NFYC: variants seen among roughly 807,000 people sequenced by gnomAD.
The protein encoded by NFYC is nuclear transcription factor Y subunit gamma.
NFYC carries 25 observed loss-of-function variants against 53.1 expected under a neutral mutation model. That is an observed-to-expected ratio of 0.47 (90% CI 0.34 to 0.66). The LOEUF (loss-of-function observed/expected upper bound fraction) is 0.66. Among genes scored for constraint, NFYC ranks in the 30% least tolerant of loss-of-function variants. NFYC has a pLI of 0.01. For missense variants in NFYC, 260 were observed against 422.7 expected (o/e 0.62, Z 3.38); for synonymous variants, 145 against 152.6 (o/e 0.95, Z 0.37).
chr1:40,741,815 GCTGGTCTCAAACTT>G (rs1645364046), intron 2 of NFYC, among the ~76,000 whole-genome samples: 2 of 151,904 alleles, frequency 1.3e-5, no homozygotes, highest in Admixed American at 1.3e-4. Context: ...TGTTACCCTG[GCTGGTCTCAAACTT>G]CTGGGCTCAA....
chr1:40,734,485 C>T (rs1644926075), intron 1 of NFYC, among the ~76,000 whole-genome samples: 1 of 151,974 alleles, frequency 6.6e-6, no homozygotes, highest in African/African-American at 2.4e-5. Flanking sequence ...CCTTGGTTCC[C>T]GAGTAGCTGG....
chr1:40,692,170 C>T (rs1642849507), intron 1 of NFYC: 1 of 184,752 alleles, frequency 5.4e-6, no homozygotes. Context: ...GACCTGGCAC[C>T]TTATTGGACG....
At chr1:40,766,982 C>A in intron 8 of NFYC, 1 of 1,551,786 alleles carries the variant, frequency 6.4e-7, no homozygotes, top group Non-Finnish European at 8.7e-7. Flanking sequence ...CAGGTGTGCA[C>A]ACCCATCAGA....
intron 2 of NFYC, among the ~76,000 whole-genome samples, chr1:40,741,436 T>C (rs953373314): frequency 1.3e-5 from 2 of 152,168 alleles, no homozygotes; most frequent in African/African-American, 2.4e-5. Flanking sequence ...GTGTAGTAAA[T>C]GCATTTTCAA....
At chr1:40,741,610 T>C (rs1250224817) in intron 2 of NFYC, among the ~76,000 whole-genome samples, 1 of 151,998 alleles carries the variant, frequency 6.6e-6, no homozygotes, top group Non-Finnish European at 1.5e-5. Context: ...CTTTTTTTTT[T>C]TTCCTTTTTG....
intron 1 of NFYC, among the ~76,000 whole-genome samples, chr1:40,711,711 A>G (rs1236808815): frequency 6.6e-6 from 1 of 152,244 alleles, no homozygotes; most frequent in Non-Finnish European, 1.5e-5. Flanking sequence ...TGTTTACTAG[A>G]CAAATGAAGA....
At chr1:40,738,813 C>T (rs371614038) in intron 1 of NFYC, 23 bp from the exon 2 acceptor site, 1 of 1,540,570 alleles carries the variant, frequency 6.5e-7, no homozygotes, top group Non-Finnish European at 9.0e-7. Flanking sequence ...TCTAATGTGT[C>T]TTATGTATGT....
At chr1:40,720,734 G>A (rs1016243890) in intron 1 of NFYC, among the ~76,000 whole-genome samples, 3 of 152,148 alleles carry the variant, frequency 2.0e-5, no homozygotes, top group Admixed American at 6.5e-5. Flanking sequence ...CAGGTATGGT[G>A]GCAAGCACCT....
At chr1:40,752,196 T>G (rs987626944) in intron 4 of NFYC, among the ~76,000 whole-genome samples, 3 of 152,254 alleles carry the variant, frequency 2.0e-5, no homozygotes, top group Non-Finnish European at 2.9e-5. Context: ...ATAAACATTT[T>G]ACTATGCTTA....
chr1:40,758,292 C>G lies in NFYC; in HGVS notation c.559C>G (p.Gln187Glu). 6.2e-7 allele frequency: 1 copy of G among 1,607,124 alleles called. No homozygotes were observed. The highest frequency in any genetic ancestry group is 8.5e-7 in the Non-Finnish European group (1 of 1,175,772). Residue 187 changes from glutamine to glutamate, a missense_variant and splice_region_variant, in exon 6 of 10, where the codon CAG becomes GAG. Transcript: ENST00000447388. The part of the protein sequence containing the change: ...QIIIAQPQQG[Q>E]TTPVTMQVGE... ...CATCATCGCACAGCCTCAGCAGGGC[C>G]AGGTCTGTGAGCTGCTGAGGATGCC...
Position 40,771,057 on chromosome 1 carries a change from C to G in NFYC, c.*229C>G. ...TTTTTTCTCTAAGGAATCAATATTT[C>G]AATATGTTGAGTGTGTGTCCAATGC... On this transcript the variant is annotated 3_prime_UTR_variant, in exon 10 of 10. Transcript: ENST00000447388. 1.7e-6 allele frequency: 1 copy of G among 582,570 alleles called. No individual in the cohort carries two copies. The highest frequency in any genetic ancestry group is 3.1e-6 in the Non-Finnish European group (1 of 327,678). 36.1% of individuals were successfully genotyped at this position (582,570 alleles called of 1,614,324 possible). A position where few individuals can be genotyped will look rare whatever the true frequency, so the allele number is the denominator to read the frequency against.
intron 1 of NFYC, among the ~76,000 whole-genome samples, chr1:40,700,999 C>T (rs897444201): frequency 1.3e-5 from 2 of 152,192 alleles, no homozygotes; most frequent in African/African-American, 4.8e-5. Context: ...ACACTTTAAA[C>T]GTGGGACTGA....
intron 1 of NFYC, among the ~76,000 whole-genome samples, chr1:40,704,377 G>T (rs555471762): frequency 5.9e-5 from 9 of 152,274 alleles, no homozygotes; most frequent in Non-Finnish European, 1.3e-4. Context: ...AGCCTGATTT[G>T]AGTGTTTTTT....
intron 5 of NFYC, chr1:40,754,241 G>A (rs1646080547): frequency 1.9e-6 from 1 of 530,700 alleles, no homozygotes; most frequent in East Asian, 5.5e-5. Flanking sequence ...GGAGAAGTGG[G>A]CATCCTAATG....
At chr1:40,758,322 C>T in intron 6 of NFYC, 28 bp downstream of exon 6, 1 of 1,582,554 alleles carries the variant, frequency 6.3e-7, no homozygotes, top group South Asian at 1.2e-5. Context: ...GATGCCCATC[C>T]AGCAAGACAG....
chr1:40,733,472 G>A (rs770377972), intron 1 of NFYC, among the ~76,000 whole-genome samples: 1 of 150,680 alleles, frequency 6.6e-6, no homozygotes, highest in South Asian at 2.1e-4. Flanking sequence ...GCAACAGAGC[G>A]AAACCCTGGC....
At chr1:40,729,229 G>A (rs1263945409) in intron 1 of NFYC, among the ~76,000 whole-genome samples, 1 of 152,164 alleles carries the variant, frequency 6.6e-6, no homozygotes, top group Non-Finnish European at 1.5e-5. Context: ...TCCAGTAAAA[G>A]TCCATTTTGT....
At chr1:40,744,323 T>C (rs934398918) in intron 2 of NFYC, among the ~76,000 whole-genome samples, 2 of 152,212 alleles carry the variant, frequency 1.3e-5, no homozygotes, top group Admixed American at 6.5e-5. Context: ...CCTGATTCAG[T>C]TGGTCTCCAG....
Position 40,767,012 on chromosome 1 carries a change from A to G in NFYC, c.828+309A>G. On this transcript the variant is annotated intron_variant, in intron 8 of 9. Coordinates refer to ENST00000447388, the MANE Select transcript of NFYC (RefSeq NM_014223.5). ...ATCAGACCTGGGAAATGTTCGACAG[A>G]TCGCCTGATCGTCAGGCTGTTTCCA... The G allele has an allele frequency of 2.6e-6, 4 of 1,536,688 alleles. No homozygotes were observed. In the South Asian group the frequency reaches 3.6e-5, roughly 14 times the overall value.
Sources: allele counts gnomAD v4.1 joint callset (sites outside exome capture counted in the v4.1 genomes callset), GRCh38; gene constraint gnomAD v4.1.1; transcripts MANE v1.5; gene names NCBI Gene and HGNC (gene_info 2026-07-23, HGNC 2026-07-21).